CEP128: variants seen among roughly 807,000 people sequenced by gnomAD.
CEP128 encodes the protein centrosomal protein 128.
In CEP128, 132 loss-of-function variants were observed where a neutral mutation model predicts 156.7. The ratio of observed to expected loss-of-function variants is 0.84; its 90% CI spans 0.73 to 0.97. CEP128 has a LOEUF of 0.97. CEP128 is among the 50% of genes least tolerant of loss of function. The pLI is 0.00. For missense variants in CEP128, 1,252 were observed against 1,281.9 expected, an observed-to-expected ratio of 0.98 and a Z score of 0.36; for synonymous variants, 469 against 448.9, an observed-to-expected ratio of 1.04 and a Z score of -0.57.
At chr14:80,871,813 A>G (rs2139260913) in intron 8 of CEP128, among the ~76,000 whole-genome samples, 1 of 152,282 alleles carries the variant, frequency 6.6e-6, no homozygotes, top group South Asian at 2.1e-4. Context: ...AAATAGCAAA[A>G]TAACAAGAAT....
chr14:80,953,739 T>A (rs1251577448), intron 2 of CEP128, among the ~76,000 whole-genome samples: 3 of 152,022 alleles, frequency 2.0e-5, no homozygotes, highest in Non-Finnish European at 4.4e-5. Flanking sequence ...TTTAAAACAG[T>A]TTTATTACCC....
chr14:80,648,744 TAATTA>T (rs1259439919), intron 19 of CEP128, among the ~76,000 whole-genome samples: 2 of 152,078 alleles, frequency 1.3e-5, no homozygotes, highest in Non-Finnish European at 2.9e-5. Context: ...AACTTTAAAT[TAATTA>T]AACACTAGTT....
At chr14:80,582,703 G>T (rs1371066169) in intron 19 of CEP128, among the ~76,000 whole-genome samples, 1 of 151,988 alleles carries the variant, frequency 6.6e-6, no homozygotes, top group African/African-American at 2.4e-5. Flanking sequence ...CATCAGACAG[G>T]CCAAAACAAC....
intron 20 of CEP128, among the ~76,000 whole-genome samples, chr14:80,565,237 C>T (rs561878883): frequency 7.9e-4 from 121 of 152,216 alleles, no homozygotes; most frequent in Non-Finnish European, 1.5e-3. Context: ...ACTACCCACA[C>T]CAGTAATCTG....
chr14:80,729,058 G>GT (rs1344457542), intron 19 of CEP128, among the ~76,000 whole-genome samples: 1,878 of 104,934 alleles, frequency 0.018, 202 homozygotes, highest in African/African-American at 0.046. Flanking sequence ...GGCTGGTGGG[G>GT]GTGTGTGTGT....
intron 9 of CEP128, among the ~76,000 whole-genome samples, chr14:80,853,518 T>TTA (rs1886999015): frequency 6.6e-6 from 1 of 150,440 alleles, no homozygotes. Flanking sequence ...GATGCAATTT[T>TTA]AAAAAAAAAT....
At chr14:80,868,633 G>C (rs1595522552) in intron 8 of CEP128, among the ~76,000 whole-genome samples, 1 of 152,038 alleles carries the variant, frequency 6.6e-6, no homozygotes, top group Non-Finnish European at 1.5e-5. Flanking sequence ...AACGGCAGTA[G>C]CAAGTTCCTA....
rs1461642604 is a variant in CEP128 at position 80,656,285 on chromosome 14, A to T, written c.2807-75862T>A. Among the ~76,000 whole-genome samples, 8 of 8,786 alleles carry T rather than the reference A, an allele frequency of 9.1e-4. 1 individual carries two copies. The highest frequency in any genetic ancestry group is 7.2e-3 in the African/African-American group (6 of 830). 5.8% of individuals were successfully genotyped at this position (8,786 alleles called of 152,430 possible). A position where few individuals can be genotyped will look rare whatever the true frequency, so the allele number is the denominator to read the frequency against. ...AATAAACCTAAGTTTTTATTTATAT[A>T]TATATTTATATATATATATATATAT... On this transcript the variant is annotated intron_variant, in intron 19 of 24. Coordinates refer to ENST00000555265, the MANE Select transcript of CEP128 (RefSeq NM_152446.5).
At chr14:80,892,414 G>T (rs1195307560) in intron 8 of CEP128, among the ~76,000 whole-genome samples, 1 of 151,856 alleles carries the variant, frequency 6.6e-6, no homozygotes, top group African/African-American at 2.4e-5. Context: ...ATGGATAAAA[G>T]ACCTAAATGT....
intron 19 of CEP128, among the ~76,000 whole-genome samples, chr14:80,620,801 A>G (rs1333455118): frequency 6.6e-6 from 1 of 152,230 alleles, no homozygotes; most frequent in African/African-American, 2.4e-5. Context: ...AGTCAGGTAG[A>G]TATGCTATAG....
chr14:80,911,575 T>C (rs569686970), intron 4 of CEP128, among the ~76,000 whole-genome samples: 2 of 152,320 alleles, frequency 1.3e-5, no homozygotes, highest in South Asian at 4.1e-4. Flanking sequence ...AAAAGCTTCA[T>C]TTGCTTTCTT....
chr14:80,707,756 C>A (rs1897274354), intron 19 of CEP128, among the ~76,000 whole-genome samples: 2 of 152,078 alleles, frequency 1.3e-5, no homozygotes, highest in Non-Finnish European at 2.9e-5. Context: ...ATTTATTCCT[C>A]AAGACAAACA....
chr14:80,864,238 A>C (rs978122156), intron 8 of CEP128, among the ~76,000 whole-genome samples: 2 of 152,184 alleles, frequency 1.3e-5, no homozygotes, highest in Non-Finnish European at 1.5e-5. Context: ...CTTCCTGTCA[A>C]CAGTAGGCTA....
intron 21 of CEP128, among the ~76,000 whole-genome samples, chr14:80,543,390 C>G (rs1001204363): frequency 2.6e-5 from 4 of 152,172 alleles, no homozygotes; most frequent in African/African-American, 9.7e-5. Flanking sequence ...TACCAATAAT[C>G]TGAAGTTAGA....
intron 13 of CEP128, among the ~76,000 whole-genome samples, chr14:80,819,777 G>A (rs1456328260): frequency 6.6e-6 from 1 of 152,180 alleles, no homozygotes; most frequent in Non-Finnish European, 1.5e-5. Context: ...TTCAATGACT[G>A]TCACTTTATT....
At chr14:80,540,919 T>A (rs1304733771) in intron 21 of CEP128, among the ~76,000 whole-genome samples, 1 of 152,136 alleles carries the variant, frequency 6.6e-6, no homozygotes, top group African/African-American at 2.4e-5. Context: ...CCAAACACTC[T>A]CTCACCCCAA....
At chr14:80,711,700 C>A (rs1173305380) in intron 19 of CEP128, among the ~76,000 whole-genome samples, 1 of 151,878 alleles carries the variant, frequency 6.6e-6, no homozygotes, top group East Asian at 1.9e-4. Context: ...TTAAAAATAA[C>A]TAAAAGATTA....
chr14:80,801,184 C>T (rs1280499137), intron 13 of CEP128, among the ~76,000 whole-genome samples: 1 of 152,148 alleles, frequency 6.6e-6, no homozygotes, highest in African/African-American at 2.4e-5. Flanking sequence ...CATCTGCAAA[C>T]AGAGACAATT....
At chr14:80,944,355 C>T (rs930302157), upstream of CEP128, among the ~76,000 whole-genome samples, 7 of 152,192 alleles carry the variant, frequency 4.6e-5, no homozygotes, top group Middle Eastern at 3.4e-3. Context: ...AGTTCCCCCA[C>T]GCTGTTCTCA....
Sources: allele counts gnomAD v4.1 joint callset (sites outside exome capture counted in the v4.1 genomes callset), GRCh38; gene constraint gnomAD v4.1.1; transcripts MANE v1.5; gene names NCBI Gene and HGNC (gene_info 2026-07-23, HGNC 2026-07-21).